Variants in PSMG2 observed in about 807,000 individuals in gnomAD.
The protein encoded by PSMG2 is CD40 ligand-activated specific transcript 3.
Under a neutral mutation model 31.5 loss-of-function variants are expected in PSMG2, and 21 were observed. The ratio of observed to expected loss-of-function variants is 0.67; its 90% CI spans 0.47 to 0.96. The LOEUF is 0.96. Among genes scored for constraint, PSMG2 ranks in the 40% least tolerant of loss-of-function variants. The pLI is 0.00. For missense variants in PSMG2, 318 were observed against 321.2 expected (o/e 0.99, Z 0.08); for synonymous variants, 120 against 110.4 (o/e 1.09, Z -0.54).
chr18:12,676,279 C>CTTTTTTTT (rs1157897766), intron 1 of PSMG2, among the ~76,000 whole-genome samples: 4 of 106,406 alleles, frequency 3.8e-5, no homozygotes, highest in African/African-American at 7.0e-5. Flanking sequence ...ACAGTAATTC[C>CTTTTTTTT]TTTTTTTTTT....
chr18:12,672,119 T>C lies in PSMG2; in HGVS notation c.-37+13346T>C, dbSNP rs540588732. Among the ~76,000 whole-genome samples the C allele has an allele frequency of 4.8e-3, 380 of 78,504 alleles. 2 individuals are homozygous for C. The highest frequency in any genetic ancestry group is 0.013 in the African/African-American group (368 of 27,260). 51.5% of individuals were successfully genotyped at this position (78,504 alleles called of 152,430 possible). A position where few individuals can be genotyped will look rare whatever the true frequency, so the allele number is the denominator to read the frequency against. ...AGGTGTGAGCCACCATGCCTGGCCC[T>C]TTTTTTTTTTTCTGAGATGCAGTCT... On this transcript the variant is annotated intron_variant, in intron 1 of 6. Coordinates refer to the PSMG2 transcript ENST00000585331.
chr18:12,690,495 G>C (rs2039714636), intron 1 of PSMG2, among the ~76,000 whole-genome samples: 1 of 149,668 alleles, frequency 6.7e-6, no homozygotes, highest in African/African-American at 2.5e-5. Context: ...TTGCTGTGTT[G>C]CCCAGGCCGG....
At position 12,705,576 on chromosome 18, in the gene PSMG2, A is replaced by AGAGAGTGTGT. The variant is rs1465866538; in HGVS notation, c.58-973_58-972insAGAGTGTGTG. ...GAGAGAGAGAGAGAGAGAGAGAGAG[A>AGAGAGTGTGT]GTGTGTGTGTGTGTGTGTGTGTGTG... is the stretch of plus-strand genomic sequence containing the variant. On this transcript the variant is annotated intron_variant, in intron 1 of 6. Transcript: ENST00000317615. Among the ~76,000 whole-genome samples, 23 of 129,774 alleles carry AGAGAGTGTGT rather than the reference A, an allele frequency of 1.8e-4. No homozygotes were observed. In the South Asian group the frequency reaches 4.1e-3, roughly 23 times the overall value. The allele number at this position is 129,774 out of a possible 152,430, so 85.1% of individuals were successfully genotyped here. A position where few individuals can be genotyped will look rare whatever the true frequency, so the allele number is the denominator to read the frequency against.
At chr18:12,713,596 G>A (rs1187078989) in intron 3 of PSMG2, among the ~76,000 whole-genome samples, 3 of 152,118 alleles carry the variant, frequency 2.0e-5, no homozygotes, top group African/African-American at 4.8e-5. Flanking sequence ...AGTATGAAAC[G>A]TGATGGAGAG....
In PSMG2 at chr18:12,663,917, C is replaced by CATAA. The variant is rs1178882253; in HGVS notation, c.-37+5145_-37+5146insTAAA. On this transcript the variant is annotated intron_variant, in intron 1 of 6. Transcript: ENST00000585331. ...CAGTGGTTTATGCCTGTAATCCCAGCACTTTGGGAGGTTGAGGCAGGCAGA... is the reference window on the plus strand; with the variant it reads ...CAGTGGTTTATGCCTGTAATCCCAGCATAAACTTTGGGAGGTTGAGGCAGGCAGA... 3.2e-3 allele frequency among the ~76,000 whole-genome samples: 482 copies of CATAA among 152,294 alleles called. 1 individual carries two copies. The highest frequency in any genetic ancestry group is 0.011 in the African/African-American group (459 of 41,558).
At chr18:12,679,350 CCCT>C (rs1216253135) in intron 1 of PSMG2, 1 of 152,232 alleles carries the variant, frequency 6.6e-6, no homozygotes, top group Non-Finnish European at 1.5e-5. Flanking sequence ...GGAGCTTGGC[CCCT>C]CCTCTTCCTG....
rs2040271948 is a variant in PSMG2 at position 12,706,656 on chromosome 18, T to C, written c.164T>C (p.Met55Thr). 1 of 1,613,972 alleles carries C rather than the reference T, an allele frequency of 6.2e-7. No homozygotes were observed. Among genetic ancestry groups the C allele is most frequent in the Non-Finnish European group, 8.5e-7 (1 of 1,179,842 alleles). ...GYFYTDCLVP[M>T]VGNNPYATTE... ...TTCTATACCGATTGTCTTGTGCCAATGGTTGGAAACAATCCATATGCGACC... is the reference window on the plus strand; with the variant it reads ...TTCTATACCGATTGTCTTGTGCCAACGGTTGGAAACAATCCATATGCGACC... Residue 55 changes from methionine (M) to threonine (T), a missense_variant, in exon 2 of 7, where the codon ATG becomes ACG. Coordinates refer to ENST00000317615, the MANE Select transcript of PSMG2 (RefSeq NM_020232.5).
chr18:12,678,460 T>C (rs764987986), intron 1 of PSMG2: 8 of 1,516,020 alleles, frequency 5.3e-6, no homozygotes, highest in Non-Finnish European at 7.1e-6. Flanking sequence ...AATTAAATAA[T>C]TTTATATATG....
At chr18:12,703,565 C>T (rs1017084136) in intron 1 of PSMG2, among the ~76,000 whole-genome samples, 1 of 152,228 alleles carries the variant, frequency 6.6e-6, no homozygotes, top group Non-Finnish European at 1.5e-5. Context: ...TAAACATTAA[C>T]TCTTGCCGGT....
At chr18:12,706,803 T>C in intron 2 of PSMG2, 82 bp downstream of exon 2, 2 of 1,412,426 alleles carry the variant, frequency 1.4e-6, no homozygotes, top group East Asian at 2.4e-5. Flanking sequence ...GATAATTGTT[T>C]TGTAGCAAAT....
chr18:12,686,101 T>C (rs2039532010), intron 1 of PSMG2: 1 of 506,872 alleles, frequency 2.0e-6, no homozygotes, highest in Non-Finnish European at 3.4e-6. Context: ...CTTTTGTAAG[T>C]ATTTTTGATC....
upstream of PSMG2, chr18:12,702,503 G>T (rs1027829846): frequency 6.2e-7 from 1 of 1,609,736 alleles, no homozygotes; most frequent in Non-Finnish European, 8.5e-7. Flanking sequence ...AGCTGCTGGT[G>T]GATGAGCTGC....
intron 1 of PSMG2, among the ~76,000 whole-genome samples, chr18:12,664,406 C>T (rs1013272162): frequency 2.0e-5 from 3 of 151,356 alleles, no homozygotes. Context: ...AAAAATTAGC[C>T]GGGCATGGTG....
intron 1 of PSMG2, among the ~76,000 whole-genome samples, chr18:12,693,446 A>T (rs1169813154): frequency 2.0e-5 from 3 of 152,102 alleles, no homozygotes; most frequent in Non-Finnish European, 4.4e-5. Context: ...AATTAAAAAA[A>T]ACAAGCTACT....
chr18:12,716,458 A>G (rs1404057633), intron 3 of PSMG2, among the ~76,000 whole-genome samples: 2 of 142,352 alleles, frequency 1.4e-5, no homozygotes, highest in African/African-American at 5.4e-5. Context: ...CAGTGGCATG[A>G]TCTCGGCTCA....
intron 1 of PSMG2, among the ~76,000 whole-genome samples, chr18:12,668,358 G>A (rs2144956390): frequency 6.6e-6 from 1 of 152,020 alleles, no homozygotes; most frequent in African/African-American, 2.4e-5. Context: ...TTGGGAACCC[G>A]AGGTGGGCAG....
upstream of PSMG2, among the ~76,000 whole-genome samples, chr18:12,698,230 T>C (rs904872604): frequency 6.6e-6 from 1 of 151,890 alleles, no homozygotes; most frequent in Non-Finnish European, 1.5e-5. Context: ...AAATATTTAT[T>C]CATTTATTTA....
At chr18:12,696,714 A>T (rs1010785068) in intron 1 of PSMG2, among the ~76,000 whole-genome samples, 12 of 152,132 alleles carry the variant, frequency 7.9e-5, no homozygotes, top group African/African-American at 2.9e-4. Flanking sequence ...TAAATAAGAT[A>T]GGCACCAGCT....
In PSMG2 at chr18:12,720,680, A is replaced by G. The variant is rs1380049495; in HGVS notation, c.578A>G (p.Glu193Gly). Reference protein sequence around the residue: ...GGGITKTLYDESCSKEIQMAV... With the variant: ...GGGITKTLYDGSCSKEIQMAV... ...GGTATCACAAAAACACTCTATGATG[A>G]AAGGTGAGTTTGTTTGCCTGTTCAT... The change falls in exon 5 of 7, where the codon GAA (glutamate) becomes GGA (glycine). Residue 193 changes from glutamate to glycine, a missense_variant. Transcript: ENST00000317615. 1 of 1,606,028 alleles carries G rather than the reference A, an allele frequency of 6.2e-7. No individual in the cohort carries two copies. Among genetic ancestry groups the G allele is most frequent in the African/African-American group, 1.3e-5 (1 of 74,362 alleles).
Sources: gnomAD v4.1 joint callset for allele counts (sites outside exome capture counted in the v4.1 genomes callset) on GRCh38, gnomAD v4.1.1 for gene constraint, MANE v1.5 for transcripts, NCBI Gene and HGNC (gene_info 2026-07-23, HGNC 2026-07-21) for gene names.